TRPM3: variants seen among roughly 807,000 people sequenced by gnomAD.
TRPM3 encodes the protein long transient receptor potential channel 3.
Under a neutral mutation model 181.2 loss-of-function variants are expected in TRPM3, and 77 were observed. The ratio of observed to expected loss-of-function variants is 0.42; its 90% CI spans 0.35 to 0.51. The LOEUF (loss-of-function observed/expected upper bound fraction) is 0.51. Among genes scored for constraint, TRPM3 ranks in the 20% least tolerant of loss-of-function variants. The pLI, the probability that TRPM3 is intolerant of heterozygous loss-of-function variation, is 0.01. For synonymous variants in TRPM3, 745 were observed against 796.4 expected, an observed-to-expected ratio of 0.94 and a Z score of 1.09; for missense variants, 1,759 against 2,196.7, an observed-to-expected ratio of 0.80 and a Z score of 3.98.
chr9:70,623,908 T>C (rs2064039915), intron 14 of TRPM3, among the ~76,000 whole-genome samples: 1 of 152,166 alleles, frequency 6.6e-6, no homozygotes, highest in Non-Finnish European at 1.5e-5. Context: ...GAAGGACTGA[T>C]TGGCAGATGG....
At chr9:70,630,150 T>C (rs1368082846) in intron 12 of TRPM3, among the ~76,000 whole-genome samples, 1 of 152,208 alleles carries the variant, frequency 6.6e-6, no homozygotes, top group African/African-American at 2.4e-5. Flanking sequence ...CATGACCCCA[T>C]AGAGGAAACA....
chr9:70,877,165 A>G (rs2095881492), intron 1 of TRPM3, among the ~76,000 whole-genome samples: 1 of 152,064 alleles, frequency 6.6e-6, no homozygotes, highest in South Asian at 2.1e-4. Context: ...TCATTCAATG[A>G]TTTCATATTA....
chr9:71,037,768 T>C (rs1241679120), intron 1 of TRPM3, among the ~76,000 whole-genome samples: 1 of 152,240 alleles, frequency 6.6e-6, no homozygotes, highest in Admixed American at 6.5e-5. Flanking sequence ...TGCAAGAGCC[T>C]ATGAGCTATA....
chr9:71,297,913 A>G (rs1487581252), intron 1 of TRPM3, among the ~76,000 whole-genome samples: 1 of 152,182 alleles, frequency 6.6e-6, no homozygotes, highest in Non-Finnish European at 1.5e-5. Flanking sequence ...ATGGACAATA[A>G]AAGGTGAACG....
intron 1 of TRPM3, among the ~76,000 whole-genome samples, chr9:71,332,301 T>C (rs1264454714): frequency 6.6e-6 from 1 of 151,656 alleles, no homozygotes; most frequent in Non-Finnish European, 1.5e-5. Context: ...TAATGCTTTT[T>C]TTGGATACAT....
At chr9:71,163,848 A>T (rs1474229049) in intron 1 of TRPM3, among the ~76,000 whole-genome samples, 3 of 152,260 alleles carry the variant, frequency 2.0e-5, no homozygotes, top group East Asian at 1.9e-4. Flanking sequence ...AAAGAAAGAG[A>T]TTTTTAGTAG....
chr9:70,752,477 T>C (rs1012607162), intron 8 of TRPM3, among the ~76,000 whole-genome samples: 1 of 152,130 alleles, frequency 6.6e-6, no homozygotes, highest in Non-Finnish European at 1.5e-5. Flanking sequence ...GAATATCTTT[T>C]TGATATTTTG....
intron 21 of TRPM3, among the ~76,000 whole-genome samples, chr9:70,592,398 AT>A (rs1189439615): frequency 6.6e-6 from 1 of 152,204 alleles, no homozygotes; most frequent in African/African-American, 2.4e-5. Flanking sequence ...TAGTATTTGT[AT>A]CTGACGCTGA....
intron 1 of TRPM3, among the ~76,000 whole-genome samples, chr9:71,227,875 C>T (rs1203596630): frequency 2.6e-5 from 4 of 152,116 alleles, no homozygotes; most frequent in African/African-American, 4.8e-5. Context: ...GCCTGGGACC[C>T]GATGACTTCA....
At chr9:71,378,251 A>T (rs1322074334) in intron 1 of TRPM3, among the ~76,000 whole-genome samples, 2 of 152,160 alleles carry the variant, frequency 1.3e-5, no homozygotes, top group African/African-American at 4.8e-5. Flanking sequence ...ATTAAATCAC[A>T]GTAAGCTACC....
intron 1 of TRPM3, among the ~76,000 whole-genome samples, chr9:71,268,062 G>C (rs912344236): frequency 4.6e-5 from 7 of 152,186 alleles, no homozygotes; most frequent in African/African-American, 1.7e-4. Flanking sequence ...ATTTTACATT[G>C]ATTAAAATGG....
intron 1 of TRPM3, among the ~76,000 whole-genome samples, chr9:71,324,053 G>A (rs551760027): frequency 2.0e-5 from 3 of 152,122 alleles, no homozygotes; most frequent in African/African-American, 7.2e-5. Context: ...TCTTTGTCAT[G>A]CACAAAATTG....
chr9:71,230,087 TATA>T (rs2080950027), intron 1 of TRPM3, among the ~76,000 whole-genome samples: 1 of 152,132 alleles, frequency 6.6e-6, no homozygotes, highest in Admixed American at 6.6e-5. Context: ...GGAGTATTAT[TATA>T]CAATGGAGGC....
At chr9:71,302,054 T>C (rs992631606) in intron 1 of TRPM3, among the ~76,000 whole-genome samples, 3 of 152,112 alleles carry the variant, frequency 2.0e-5, no homozygotes, top group Non-Finnish European at 2.9e-5. Flanking sequence ...GGGAATAATA[T>C]AGCAAACTCC....
intron 1 of TRPM3, among the ~76,000 whole-genome samples, chr9:71,224,587 A>G (rs1439290142): frequency 6.6e-6 from 1 of 152,238 alleles, no homozygotes. Flanking sequence ...CTGGAGAGAA[A>G]GAAATATGAG....
At chr9:71,381,543 A>T (rs1372113712) in intron 1 of TRPM3, among the ~76,000 whole-genome samples, 1 of 152,204 alleles carries the variant, frequency 6.6e-6, no homozygotes, top group African/African-American at 2.4e-5. Context: ...CATTAAAAAT[A>T]CGGTGGCACT....
At chr9:71,009,002 A>C (rs1431349781) in intron 1 of TRPM3, among the ~76,000 whole-genome samples, 2 of 152,258 alleles carry the variant, frequency 1.3e-5, no homozygotes, top group Non-Finnish European at 2.9e-5. Flanking sequence ...TTTTTATTGG[A>C]AAAGCATTCC....
intron 1 of TRPM3, among the ~76,000 whole-genome samples, chr9:71,390,225 A>C (rs549555939): frequency 6.6e-6 from 1 of 152,136 alleles, no homozygotes; most frequent in African/African-American, 2.4e-5. Context: ...CAGGAGGCAA[A>C]ATTATTAGGA....
chr9:70,665,929 T>A (rs2061776961), intron 9 of TRPM3, among the ~76,000 whole-genome samples: 1 of 152,228 alleles, frequency 6.6e-6, no homozygotes, highest in South Asian at 2.1e-4. Context: ...TATGCTTCAT[T>A]TTTACTAAAG....
Sources: gnomAD v4.1 joint callset for allele counts (sites outside exome capture counted in the v4.1 genomes callset) on GRCh38, gnomAD v4.1.1 for gene constraint, MANE v1.5 for transcripts, NCBI Gene and HGNC (gene_info 2026-07-23, HGNC 2026-07-21) for gene names.